The following ATR variants were observed in gnomAD, a reference collection of about 807,000 sequenced individuals.
ATR encodes the protein ATR checkpoint kinase.
ATR carries 142 observed loss-of-function variants against 305.3 expected under a neutral mutation model. The observed-to-expected ratio is 0.47, with a 90% CI of 0.41 to 0.53. The LOEUF (loss-of-function observed/expected upper bound fraction) is 0.53. ATR is among the 20% of genes least tolerant of loss of function. The probability of loss-of-function intolerance (pLI) is 0.00; values close to 1 mark genes in which losing one functional copy is unlikely to be tolerated. For synonymous variants in ATR, 1,050 were observed against 1,068.1 expected (o/e 0.98, Z 0.33); for missense variants, 2,135 against 3,133.1 (o/e 0.68, Z 7.60).
Position 142,544,452 on chromosome 3 carries a change from CAAAAAAAAA to C in ATR, c.3358-1704_3358-1696del, listed in dbSNP as rs57120276. Among the ~76,000 whole-genome samples, 61 of 18,972 alleles carry C rather than the reference CAAAAAAAAA, an allele frequency of 3.2e-3. 1 individual carries two copies. Among genetic ancestry groups the C allele is most frequent in the Admixed American group, 7.6e-3 (8 of 1,056 alleles). 12.4% of individuals were successfully genotyped at this position (18,972 alleles called of 152,430 possible). ...GGGTGACAGAGCAAAATCCTGCCTC[CAAAAAAAAA>C]AAAAAAAAAAAAAAAAAAAGATACC... On this transcript the variant is annotated intron_variant, in intron 16 of 46. Coordinates refer to ENST00000350721, the MANE Select transcript of ATR (RefSeq NM_001184.4).
Position 142,462,040 on chromosome 3 carries a change from T to C in ATR, c.7092A>G (p.Thr2364=), listed in dbSNP as rs1018327125. 3.7e-6 allele frequency: 6 copies of C among 1,613,286 alleles called. No individual in the cohort carries two copies. Among genetic ancestry groups the C allele is most frequent in the Non-Finnish European group, 5.1e-6 (6 of 1,179,500 alleles). ...ESRRRELHIR[T]YAVIPLNDEC... Reference sequence around the variant, plus strand: ...CATCATTTAGTGGAATAACTGCATATGTTCGAATATGAAGTTCTCTTCTAC... The same window carrying C: ...CATCATTTAGTGGAATAACTGCATACGTTCGAATATGAAGTTCTCTTCTAC... The change falls in exon 42 of 47, where the codon ACA becomes ACG. Residue 2364 remains threonine, a synonymous_variant. Transcript: ENST00000350721.
chr3:142,562,731 C>T lies in ATR; in HGVS notation c.671G>A (p.Arg224Lys), dbSNP rs771711234. The T allele has an allele frequency of 1.2e-6, 2 of 1,613,638 alleles. No individual in the cohort carries two copies. Among genetic ancestry groups the T allele is most frequent in the Admixed American group, 3.3e-5 (2 of 59,932 alleles). Residue 224 changes from arginine to lysine, a missense_variant, in exon 4 of 47, where the codon AGG (arginine) becomes AAG (lysine). By Grantham distance (26) the Arg-to-Lys change is conservative (BLOSUM62 2). Around this residue, in one of 9 missense-constraint regions of ATR, gnomAD observed 744 missense variants for 873.2 expected, o/e 0.85. Coordinates refer to ENST00000350721, the MANE Select transcript of ATR (RefSeq NM_001184.4). ...TRIIAIVFFR[R>K]QELLLWQIGC... ...TATCTGCCAAAGTAAGAGTTCTTGC[C>T]TTCTAAAAAACACAATTGCAATAAT...
At chr3:142,504,317 C>T (rs74541884) in intron 29 of ATR, among the ~76,000 whole-genome samples, 2,721 of 152,232 alleles carry the variant, frequency 0.018, 29 homozygotes, top group South Asian at 0.041. Context: ...GTTCTACAAA[C>T]TGATCCATGG....
chr3:142,531,966 T>C (rs1463518134), intron 21 of ATR, among the ~76,000 whole-genome samples: 4 of 152,250 alleles, frequency 2.6e-5, no homozygotes, highest in Non-Finnish European at 5.9e-5. Context: ...TGTGAGATGG[T>C]ATCTCATTGT....
chr3:142,496,307 T>TAC (rs2031619304), intron 34 of ATR, 54 bp downstream of exon 34: 1 of 127,570 alleles, frequency 7.8e-6, no homozygotes, highest in Non-Finnish European at 1.2e-5. Flanking sequence ...TATATATATA[T>TAC]ATATATATAT....
At chr3:142,528,812 T>A in intron 21 of ATR, among the ~76,000 whole-genome samples, 1 of 144,874 alleles carries the variant, frequency 6.9e-6, no homozygotes, top group South Asian at 2.1e-4. Context: ...AAATCATTTA[T>A]TTGGGTAAGG....
rs533139569 is a variant in ATR, at chr3:142,478,288, C to T, written c.6221+6852G>A. Among the ~76,000 whole-genome samples the T allele has an allele frequency of 2.7e-4, 41 of 151,930 alleles. No individual in the cohort carries two copies. In the South Asian group the frequency reaches 5.5e-3, roughly 20 times the overall value. Reference sequence around the variant, plus strand: ...GTGTCCCAGAGATTCTGGTATGTTGCGTCTTTGTTCTCGTTGGTTTCAAAG... The same window carrying T: ...GTGTCCCAGAGATTCTGGTATGTTGTGTCTTTGTTCTCGTTGGTTTCAAAG... On this transcript the variant is annotated intron_variant, in intron 36 of 46. Transcript: ENST00000350721.
At chr3:142,473,984 A>G (rs2071368142) in intron 36 of ATR, among the ~76,000 whole-genome samples, 2 of 140,090 alleles carry the variant, frequency 1.4e-5, no homozygotes, top group South Asian at 2.3e-4. Flanking sequence ...TGGAGTGCAG[A>G]GGCACGATCT....
At chr3:142,547,614 CA>C in intron 16 of ATR, 110 bp downstream of exon 16, 1 of 1,245,430 alleles carries the variant, frequency 8.0e-7, no homozygotes, top group Non-Finnish European at 1.1e-6. Context: ...AAAATTTAAA[CA>C]AATGGCTAGC....
intron 23 of ATR, among the ~76,000 whole-genome samples, chr3:142,522,350 TG>T: frequency 6.6e-6 from 1 of 152,320 alleles, no homozygotes; most frequent in East Asian, 1.9e-4. Flanking sequence ...TTTATTGTGG[TG>T]GTCTGGAACT....
At chr3:142,553,459 T>TAC in intron 12 of ATR, 61 bp from the exon 13 acceptor site, 1 of 1,331,152 alleles carries the variant, frequency 7.5e-7, no homozygotes. Flanking sequence ...CACACACACA[T>TAC]ACACACACAT....
At chr3:142,567,964 C>A in intron 2 of ATR, 99 bp downstream of exon 2, 1 of 961,628 alleles carries the variant, frequency 1.0e-6, no homozygotes. Flanking sequence ...ATAAATACTC[C>A]ATATCTAAAA....
rs2031785075 is a variant in ATR, at chr3:142,498,722, G to T, written c.5433C>A (p.Ala1811=). The T allele has an allele frequency of 6.2e-7, 1 of 1,613,566 alleles. No homozygotes were observed. Among genetic ancestry groups the T allele is most frequent in the Non-Finnish European group, 8.5e-7 (1 of 1,179,858 alleles). ...AAAAAGCTGTGATATCTCTTTTTTT[G>T]GCTGATAATAATAGCTGTCCCAGTC... is the stretch of plus-strand genomic sequence containing the variant. The part of the protein sequence containing the change: ...SVRLGQLLLS[A]KKRDITAFYD... Residue 1811 remains alanine (A), a synonymous_variant, in exon 32 of 47, where the codon GCC becomes GCA. Transcript: ENST00000350721.
chr3:142,553,186 T>C, intron 13 of ATR, 41 bp downstream of exon 13: 1 of 1,592,426 alleles, frequency 6.3e-7, no homozygotes, highest in East Asian at 2.2e-5. Context: ...TCTTAAAAAG[T>C]ACTGCTGTTG....
chr3:142,519,936 T>C (rs888010601), intron 23 of ATR, 152 bp from the exon 24 acceptor site: 1 of 679,466 alleles, frequency 1.5e-6, no homozygotes, highest in South Asian at 1.8e-5. Context: ...GCTGTTTTTT[T>C]TGTCTGTTTG....
chr3:142,541,954 A>G (rs781742094), intron 17 of ATR, among the ~76,000 whole-genome samples: 1 of 152,086 alleles, frequency 6.6e-6, no homozygotes, highest in Non-Finnish European at 1.5e-5. Flanking sequence ...TTTTATTGTA[A>G]TCTTACTGAC....
rs2108276162 is a variant in ATR, at chr3:142,468,029, G to A, written c.6592C>T (p.Leu2198Phe). 1 of 1,612,706 alleles carries A rather than the reference G, an allele frequency of 6.2e-7. No individual in the cohort carries two copies. The highest frequency in any genetic ancestry group is 8.5e-7 in the Non-Finnish European group (1 of 1,179,406). ...TTTTTCATATGAATAGCTTTATTGA[G>A]GATTTCCTTGCATCTGTTCACACGC... The part of the protein sequence containing the change: ...PMRVNRCKEI[L>F]NKAIHMKKSL... The change falls in exon 39 of 47, where the codon CTC (leucine) becomes TTC (phenylalanine). Residue 2198 changes from leucine to phenylalanine, a missense_variant. This residue lies in a region of ATR where 462 missense variants were observed against 887.6 expected (regional missense o/e 0.52). Transcript: ENST00000350721.
chr3:142,471,005 A>G (rs2071250249), intron 36 of ATR, among the ~76,000 whole-genome samples: 1 of 152,178 alleles, frequency 6.6e-6, no homozygotes. Flanking sequence ...ATATGGTTGT[A>G]CATTCACATT....
Position 142,459,129 on chromosome 3 carries a change from C to T in ATR, c.7350-18G>A, listed in dbSNP as rs370855362. 24 of 1,613,718 alleles carry T rather than the reference C, an allele frequency of 1.5e-5. No homozygotes were observed. Among genetic ancestry groups the T allele is most frequent in the Non-Finnish European group, 1.9e-5 (23 of 1,179,772 alleles). ...TACTGTACCTAAAAGAAACACAATG[C>T]CTATGAAATATCCATATACATATGA... is the stretch of plus-strand genomic sequence containing the variant. On this transcript the variant is annotated intron_variant, in intron 43 of 46. Coordinates refer to ENST00000350721, the MANE Select transcript of ATR (RefSeq NM_001184.4).
Sources: gnomAD v4.1 joint callset for allele counts (sites outside exome capture counted in the v4.1 genomes callset) on GRCh38, gnomAD v4.1.1 for gene constraint, gnomAD v4.1.1 regional missense constraint, MANE v1.5 for transcripts, NCBI Gene and HGNC (gene_info 2026-07-23, HGNC 2026-07-21) for gene names.